NBPF14: variants seen among roughly 807,000 people sequenced by gnomAD.
NBPF14 encodes the protein NBPF family member NBPF14.
Under a neutral mutation model 91.2 loss-of-function variants are expected in NBPF14, and 104 were observed. The observed-to-expected ratio is 1.14, with a 90% confidence interval of 0.97 to 1.34. The LOEUF is 1.34. NBPF14 is among the 40% of genes most tolerant of loss of function. NBPF14 has a pLI of 0.00. For missense variants in NBPF14, 908 were observed against 783.0 expected, an observed-to-expected ratio of 1.16 and a Z score of -1.91; for synonymous variants, 294 against 303.8, an observed-to-expected ratio of 0.97 and a Z score of 0.34.
In NBPF14 at chr1:148,566,034, C is replaced by G. The variant is rs1353679542; in HGVS notation, c.3715+109G>C. On this transcript the variant is annotated intron_variant, in intron 29 of 70. Transcript: ENST00000619423. ...AACCTACATGTGCCTATAGGTCCTC[C>G]CTGTGGCAATGACATCTCTCAGCTC... 26 of 266,074 alleles carry G rather than the reference C, an allele frequency of 9.8e-5. 2 individuals are homozygous for G. Among genetic ancestry groups the G allele is most frequent in the Non-Finnish European group, 1.5e-4 (23 of 153,304 alleles). The allele number at this position is 266,074 out of a possible 1,614,324, so 16.5% of individuals were successfully genotyped here.
intron 16 of NBPF14, among the ~76,000 whole-genome samples, chr1:148,576,030 G>A (rs1246272973): frequency 6.8e-6 from 1 of 147,902 alleles, no homozygotes; most frequent in Admixed American, 6.7e-5. Context: ...AGAGAGAGGA[G>A]AAAGTGAGCT....
At chr1:148,559,856 G>A (rs1170568345) in exon 37 of NBPF14, 15 of 1,509,444 alleles carry the variant, frequency 9.9e-6, no homozygotes, top group Admixed American at 1.8e-5. Flanking sequence ...CTTCTATAGG[G>A]CTGGCATGAG....
chr1:148,566,443 A>T (rs1468694596), intron 28 of NBPF14, 128 bp from the exon 29 acceptor site: 1 of 601,548 alleles, frequency 1.7e-6, no homozygotes, highest in Non-Finnish European at 2.9e-6. Flanking sequence ...TAATGAGGTA[A>T]CAAATTGTTG....
exon 71 of NBPF14, chr1:148,533,227 T>A (rs1289719868): frequency 1.4e-6 from 1 of 697,926 alleles, no homozygotes; most frequent in East Asian, 2.9e-5. Context: ...GCTCTTCCAC[T>A]TCCATCAGCA....
At chr1:148,533,440 AAGAC>A (rs1358076821) in intron 70 of NBPF14, among the ~76,000 whole-genome samples, 192 bp from the exon 71 acceptor site, 1 of 151,286 alleles carries the variant, frequency 6.6e-6, no homozygotes, top group African/African-American at 2.4e-5. Flanking sequence ...ATGAAAGAGA[AAGAC>A]AGAGAGAGAG....
intron 13 of NBPF14, among the ~76,000 whole-genome samples, chr1:148,578,733 A>C (rs1382243899): frequency 7.0e-6 from 1 of 143,100 alleles, no homozygotes; most frequent in Non-Finnish European, 1.5e-5. Flanking sequence ...AGCTGGCAAG[A>C]GACATTTAAT....
chr1:148,559,598 G>C (rs1239994591), intron 37 of NBPF14, among the ~76,000 whole-genome samples, 195 bp downstream of exon 37: 1 of 124,152 alleles, frequency 8.1e-6, no homozygotes, highest in African/African-American at 4.3e-5. Flanking sequence ...AGACTAGGAA[G>C]AGAGCCTTGC....
chr1:148,566,523 A>C (rs1202413722), intron 28 of NBPF14, among the ~76,000 whole-genome samples: 2 of 130,740 alleles, frequency 1.5e-5, no homozygotes, highest in East Asian at 4.6e-4. Flanking sequence ...ACACACACAC[A>C]CACACACACA....
intron 3 of NBPF14, 69 bp from the exon 4 acceptor site, chr1:148,592,835 G>C (rs1471414403): frequency 1.9e-6 from 2 of 1,044,356 alleles, no homozygotes; most frequent in Admixed American, 2.0e-5. Flanking sequence ...TATTGCAACA[G>C]AGACTTCTGA....
chr1:148,561,714 A>C (rs1478713834), intron 34 of NBPF14, 135 bp from the exon 35 acceptor site: 3 of 385,512 alleles, frequency 7.8e-6, no homozygotes, highest in Non-Finnish European at 1.3e-5. Flanking sequence ...GTAACAAATT[A>C]TTGCCTTCAT....
rs1654383931 is a variant in NBPF14 at position 148,534,087 on chromosome 1, G to A, written c.8615-118C>T. The A allele has an allele frequency of 4.1e-5, 24 of 582,886 alleles. No individual in the cohort carries two copies. In the South Asian group the frequency reaches 4.6e-4, roughly 11 times the overall value. 36.1% of individuals were successfully genotyped at this position (582,886 alleles called of 1,614,324 possible). A position where few individuals can be genotyped will look rare whatever the true frequency, so the allele number is the denominator to read the frequency against. ...CTCCTCAGCATAAGAATAGGACACT[G>A]TGAGAGATATATTTCAGGAGGCCTG... On this transcript the variant is annotated intron_variant, in intron 69 of 70. Coordinates refer to ENST00000619423, the Ensembl canonical transcript of NBPF14.
chr1:148,593,209 G>A (rs1662784379), intron 3 of NBPF14, among the ~76,000 whole-genome samples: 1 of 148,514 alleles, frequency 6.7e-6, no homozygotes, highest in African/African-American at 2.4e-5. Flanking sequence ...GGTCGAGGAG[G>A]CAACATTGAT....
chr1:148,532,109 CT>C (rs1653855881), exon 71 of NBPF14: 1 of 152,280 alleles, frequency 6.6e-6, no homozygotes, highest in Non-Finnish European at 1.5e-5. Flanking sequence ...TATCTTTTTA[CT>C]TTTTTTGAAC....
chr1:148,591,220 T>G (rs1285604818), intron 5 of NBPF14, among the ~76,000 whole-genome samples: 7 of 148,012 alleles, frequency 4.7e-5, no homozygotes, highest in African/African-American at 1.5e-4. Flanking sequence ...GGATGAAGAC[T>G]CAGCTATCCC....
At chr1:148,590,104 A>G (rs1182427639) in intron 6 of NBPF14, among the ~76,000 whole-genome samples, 1 of 126,328 alleles carries the variant, frequency 7.9e-6, no homozygotes, top group Non-Finnish European at 1.6e-5. Flanking sequence ...GCTGGAGTGC[A>G]GTGGCACAAT....
intron 70 of NBPF14, 143 bp downstream of exon 70, chr1:148,533,718 C>T (rs1654237891): frequency 8.3e-6 from 6 of 719,642 alleles, no homozygotes; most frequent in South Asian, 1.6e-5. Context: ...TAAACATCTA[C>T]TGCAATGAAA....
intron 13 of NBPF14, 102 bp downstream of exon 13, chr1:148,578,972 G>A (rs1660510045): frequency 3.0e-6 from 2 of 658,678 alleles, no homozygotes; most frequent in African/African-American, 1.9e-5. Context: ...AGCCCACGGT[G>A]ATGGCAAATC....
intron 68 of NBPF14, 110 bp from the exon 69 acceptor site, chr1:148,534,966 G>A: frequency 2.7e-6 from 2 of 738,928 alleles, no homozygotes; most frequent in East Asian, 5.1e-5. Flanking sequence ...AAAAAGGACA[G>A]ATCCATTAAT....
intron 5 of NBPF14, among the ~76,000 whole-genome samples, 175 bp downstream of exon 5, chr1:148,591,257 A>G (rs1416270874): frequency 6.7e-6 from 1 of 148,750 alleles, no homozygotes; most frequent in Non-Finnish European, 1.5e-5. Flanking sequence ...GACACTTGGC[A>G]CACATAGAGA....
Sources: allele counts gnomAD v4.1 joint callset (sites outside exome capture counted in the v4.1 genomes callset), GRCh38; gene constraint gnomAD v4.1.1; transcripts MANE v1.5; gene names NCBI Gene and HGNC (gene_info 2026-07-23, HGNC 2026-07-21).